Variants in ZCCHC4 observed in about 807,000 individuals in gnomAD.
ZCCHC4 encodes the protein zinc finger CCHC-type containing 4.
In ZCCHC4, 54 loss-of-function variants were observed where a neutral mutation model predicts 67.7. The observed-to-expected ratio is 0.80, with a 90% confidence interval of 0.64 to 1.00. The LOEUF is 1.00. Among genes scored for constraint, ZCCHC4 ranks in the 50% least tolerant of loss-of-function variants. The probability of loss-of-function intolerance (pLI) is 0.00; values close to 1 mark genes in which losing one functional copy is unlikely to be tolerated. For synonymous variants in ZCCHC4, 198 were observed against 213.5 expected (o/e 0.93, Z 0.63); for missense variants, 609 against 617.0 (o/e 0.99, Z 0.14).
At chr4:25,331,556 C>T (rs1027659548) in intron 3 of ZCCHC4, among the ~76,000 whole-genome samples, 3 of 152,196 alleles carry the variant, frequency 2.0e-5, no homozygotes, top group South Asian at 2.1e-4. Flanking sequence ...ATCCTCCTGT[C>T]GTGGGCTCCC....
intron 12 of ZCCHC4, 192 bp downstream of exon 12, chr4:25,365,358 A>T: frequency 1.4e-6 from 2 of 1,390,038 alleles, no homozygotes; most frequent in Non-Finnish European, 1.9e-6. Flanking sequence ...CAAAGAGCTT[A>T]CAGTTCTACA....
At chr4:25,329,828 C>A (rs1436776816) in intron 3 of ZCCHC4, among the ~76,000 whole-genome samples, 1 of 152,078 alleles carries the variant, frequency 6.6e-6, no homozygotes, top group Non-Finnish European at 1.5e-5. Context: ...GCCACCGCAC[C>A]TGGCCGGATG....
intron 7 of ZCCHC4, among the ~76,000 whole-genome samples, chr4:25,350,602 A>AT (rs1042408363): frequency 6.6e-6 from 1 of 152,056 alleles, no homozygotes; most frequent in Non-Finnish European, 1.5e-5. Flanking sequence ...TGGTACATTC[A>AT]TTTTTTAGAA....
At chr4:25,348,923 T>G (rs1404729461) in intron 6 of ZCCHC4, among the ~76,000 whole-genome samples, 1 of 152,212 alleles carries the variant, frequency 6.6e-6, no homozygotes, top group African/African-American at 2.4e-5. Context: ...AATAGCATGG[T>G]TTCATGGACC....
At chr4:25,325,949 T>C (rs1208893910) in intron 3 of ZCCHC4, among the ~76,000 whole-genome samples, 1 of 152,154 alleles carries the variant, frequency 6.6e-6, no homozygotes, top group Non-Finnish European at 1.5e-5. Flanking sequence ...TCCAGCACCA[T>C]TTGTTGATAA....
At chr4:25,366,359 A>C (rs1720950026) in intron 12 of ZCCHC4, 2 of 724,566 alleles carry the variant, frequency 2.8e-6, no homozygotes. Flanking sequence ...TCTGTCGCCC[A>C]GGCTGGAGTG....
intron 10 of ZCCHC4, among the ~76,000 whole-genome samples, chr4:25,363,674 G>A (rs1001237331): frequency 6.6e-6 from 1 of 152,074 alleles, no homozygotes; most frequent in Non-Finnish European, 1.5e-5. Context: ...ACATCTGATC[G>A]TTTATATTTA....
At chr4:25,345,405 G>A in intron 5 of ZCCHC4, 143 bp from the exon 6 acceptor site, 1 of 620,932 alleles carries the variant, frequency 1.6e-6, no homozygotes, top group South Asian at 1.9e-5. Flanking sequence ...CAGATTCCCT[G>A]AAATTTTTGC....
chr4:25,327,377 TCTCC>T (rs1296582328), intron 3 of ZCCHC4, among the ~76,000 whole-genome samples: 18 of 145,738 alleles, frequency 1.2e-4, no homozygotes, highest in East Asian at 8.1e-4. Context: ...TTTTTGAGAA[TCTCC>T]CTCCCTCCCT....
rs780504465 is a variant in ZCCHC4 at position 25,314,094 on chromosome 4, G to T, written c.176G>T (p.Arg59Leu). The change falls in exon 2 of 13, where the codon CGG becomes CTG. Residue 59 changes from arginine (R) to leucine (L), a missense_variant. Transcript: ENST00000302874. Reference sequence around the variant, plus strand: ...GTGACCCAAGGGAAAGAAGAAACTCGGAGGTTTTATGCCTGTTCAGCCTGT... The same window carrying T: ...GTGACCCAAGGGAAAGAAGAAACTCTGAGGTTTTATGCCTGTTCAGCCTGT... ...VKVTQGKEET[R>L]RFYACSACRD... 1 of 1,610,660 alleles carries T rather than the reference G, an allele frequency of 6.2e-7. No individual in the cohort carries two copies. Among genetic ancestry groups the T allele is most frequent in the African/African-American group, 1.3e-5 (1 of 74,324 alleles).
chr4:25,317,175 A>G (rs1399935076), intron 3 of ZCCHC4, among the ~76,000 whole-genome samples: 2 of 152,132 alleles, frequency 1.3e-5, no homozygotes, highest in Non-Finnish European at 2.9e-5. Context: ...CCTTCATTTT[A>G]CCTGGGCTGC....
intron 8 of ZCCHC4, among the ~76,000 whole-genome samples, chr4:25,355,379 ATTTGTTGAGAAT>A (rs1338453694): frequency 6.6e-6 from 1 of 152,172 alleles, no homozygotes; most frequent in Non-Finnish European, 1.5e-5. Flanking sequence ...TTTCTGGAGA[ATTTGTTGAGAAT>A]ACCAGGCTTG....
At chr4:25,337,250 G>C (rs996086400) in intron 5 of ZCCHC4, among the ~76,000 whole-genome samples, 4 of 152,156 alleles carry the variant, frequency 2.6e-5, no homozygotes, top group Non-Finnish European at 5.9e-5. Flanking sequence ...ACATTACTGA[G>C]GTCTGGGATA....
chr4:25,350,060 A>G (rs1720215497), intron 7 of ZCCHC4, among the ~76,000 whole-genome samples: 1 of 152,046 alleles, frequency 6.6e-6, no homozygotes, highest in African/African-American at 2.4e-5. Flanking sequence ...GGCCCAGAAC[A>G]CTAAGAGGGC....
intron 8 of ZCCHC4, among the ~76,000 whole-genome samples, chr4:25,354,717 C>T (rs976461020): frequency 3.3e-5 from 5 of 151,754 alleles, no homozygotes; most frequent in Non-Finnish European, 5.9e-5. Flanking sequence ...AGGCTGGTCT[C>T]GAACTCCTGG....
intron 3 of ZCCHC4, among the ~76,000 whole-genome samples, chr4:25,317,704 C>CA (rs778867924): frequency 0.092 from 6,641 of 72,440 alleles, 492 homozygotes; most frequent in East Asian, 0.2. Context: ...GACGCTGTCA[C>CA]AAAAAAAAAA....
rs1287853444 is a variant in ZCCHC4, at chr4:25,315,538, A to C, written c.329+138A>C. 8 of 587,490 alleles carry C rather than the reference A, an allele frequency of 1.4e-5. No homozygotes were observed. The East Asian group carries it at 2.7e-4, about 20-fold the overall frequency. The allele number at this position is 587,490 out of a possible 1,614,324, so 36.4% of individuals were successfully genotyped here. On this transcript the variant is annotated intron_variant, in intron 3 of 12. Coordinates refer to ENST00000302874, the MANE Select transcript of ZCCHC4 (RefSeq NM_024936.3). ...TATATAATATAAAATTTGCCATTTTAATCATTTTCAAGTGTGCAATTCAGT... is the reference window on the plus strand; with the variant it reads ...TATATAATATAAAATTTGCCATTTTCATCATTTTCAAGTGTGCAATTCAGT...
intron 8 of ZCCHC4, among the ~76,000 whole-genome samples, chr4:25,358,040 A>G (rs578166347): frequency 2.3e-4 from 35 of 152,352 alleles, no homozygotes; most frequent in Non-Finnish European, 4.9e-4. Context: ...CTTAAAACCA[A>G]ATTGAGAATG....
chr4:25,353,437 C>T (rs1720393028), intron 8 of ZCCHC4, among the ~76,000 whole-genome samples: 1 of 152,186 alleles, frequency 6.6e-6, no homozygotes, highest in Non-Finnish European at 1.5e-5. Context: ...GTTTTTGGGG[C>T]ATCAAGTTTT....
Sources: allele counts gnomAD v4.1 joint callset (sites outside exome capture counted in the v4.1 genomes callset), GRCh38; gene constraint gnomAD v4.1.1; transcripts MANE v1.5; gene names NCBI Gene and HGNC (gene_info 2026-07-23, HGNC 2026-07-21).